DDHD1: variants seen among roughly 807,000 people sequenced by gnomAD.
The protein encoded by DDHD1 is DDHD domain containing 1, also known as phospholipase DDHD1.
A neutral mutation model predicts 96.4 loss-of-function variants in DDHD1; 49 were observed. The observed-to-expected ratio is 0.51, with a 90% CI of 0.40 to 0.64. The LOEUF (loss-of-function observed/expected upper bound fraction) is 0.64, where lower values mean the gene tolerates loss of function less well. DDHD1 is among the 30% of genes least tolerant of loss of function. DDHD1 has a pLI of 0.00. For synonymous variants in DDHD1, 442 were observed against 446.5 expected (o/e 0.99, Z 0.13); for missense variants, 1,106 against 1,161.2 (o/e 0.95, Z 0.69).
chr14:53,103,863 AAG>A lies in DDHD1; in HGVS notation c.839-9_839-8del. The stretch of plus-strand genomic sequence containing the variant: ...ACTGGTATTTTATCAGCCTCTGAAA[AAG>A]AGAAATCACAGAATTATACACATTT... On this transcript the variant is annotated splice_region_variant and splice_polypyrimidine_tract_variant and intron_variant, in intron 1 of 12. Coordinates refer to ENST00000673822, the MANE Select transcript of DDHD1 (RefSeq NM_001160148.2). 2 of 1,587,818 alleles carry A rather than the reference AAG, an allele frequency of 1.3e-6. No individual in the cohort carries two copies. The highest frequency in any genetic ancestry group is 1.7e-6 in the Non-Finnish European group (2 of 1,171,148).
intron 1 of DDHD1, among the ~76,000 whole-genome samples, chr14:53,148,354 C>T (rs1157608914): frequency 6.6e-6 from 1 of 151,864 alleles, no homozygotes; most frequent in East Asian, 1.9e-4. Flanking sequence ...CTCTTGTCGC[C>T]CAGGCTGGAG....
At chr14:53,070,237 T>C (rs781756777) in intron 6 of DDHD1, among the ~76,000 whole-genome samples, 3 of 152,208 alleles carry the variant, frequency 2.0e-5, no homozygotes, top group African/African-American at 4.8e-5. Context: ...ATCGTAAACA[T>C]ACCAAAAATT....
Position 53,152,981 on chromosome 14 carries a change from A to G in DDHD1, c.118T>C (p.Cys40Arg), listed in dbSNP as rs767327168. The G allele has an allele frequency of 5.8e-6, 9 of 1,563,580 alleles. No individual in the cohort carries two copies. Among genetic ancestry groups the G allele is most frequent in the Non-Finnish European group, 6.9e-6 (8 of 1,157,762 alleles). ...TCCCCGCCGGGCAGGTGCTCGAAGC[A>G]GCAGACGCCGCCGCCGAACGCTGGC... ...ARPAFGGGVC[C>R]FEHLPGGDPD... The change falls in exon 1 of 13, where the codon TGC becomes CGC. Residue 40 changes from cysteine (C) to arginine (R), a missense_variant. Coordinates refer to ENST00000673822, the MANE Select transcript of DDHD1 (RefSeq NM_001160148.2).
rs1262504565 is a variant in DDHD1, at chr14:53,153,279, C to G, written c.-181G>C. 2.2e-6 allele frequency: 1 copy of G among 451,370 alleles called. No homozygotes were observed. Among genetic ancestry groups the G allele is most frequent in the Non-Finnish European group, 3.7e-6 (1 of 272,172 alleles). The allele number at this position is 451,370 out of a possible 1,614,324, so 28.0% of individuals were successfully genotyped here. On this transcript the variant is annotated 5_prime_UTR_variant, in exon 1 of 13. Transcript: ENST00000673822. ...ACGAGACCCGCAGCCGCCGCAGCTGCGTTCTGCCGCCGGCCCCATTGTCAC... is the reference window on the plus strand; with the variant it reads ...ACGAGACCCGCAGCCGCCGCAGCTGGGTTCTGCCGCCGGCCCCATTGTCAC...
intron 1 of DDHD1, among the ~76,000 whole-genome samples, chr14:53,108,489 A>G (rs1887867000): frequency 6.6e-6 from 1 of 152,178 alleles, no homozygotes; most frequent in Non-Finnish European, 1.5e-5. Flanking sequence ...GAGCTCTGGG[A>G]GCAAGGACCC....
At chr14:53,120,580 G>A (rs1227225045) in intron 1 of DDHD1, among the ~76,000 whole-genome samples, 1 of 152,056 alleles carries the variant, frequency 6.6e-6, no homozygotes, top group Non-Finnish European at 1.5e-5. Flanking sequence ...AAACAGCATG[G>A]TACTAGTACC....
At chr14:53,096,938 C>T (rs1886929337) in intron 2 of DDHD1, among the ~76,000 whole-genome samples, 1 of 151,920 alleles carries the variant, frequency 6.6e-6, no homozygotes, top group Admixed American at 6.6e-5. Context: ...TAGAGTAAAG[C>T]TAGGCACAGA....
intron 2 of DDHD1, among the ~76,000 whole-genome samples, chr14:53,099,580 A>G (rs1206877158): frequency 1.3e-5 from 2 of 152,204 alleles, no homozygotes; most frequent in South Asian, 2.1e-4. Context: ...GCACTTACCC[A>G]TTCAGTTCAA....
At chr14:53,067,636 T>C (rs1465734226) in intron 6 of DDHD1, among the ~76,000 whole-genome samples, 2 of 152,158 alleles carry the variant, frequency 1.3e-5, no homozygotes, top group East Asian at 3.9e-4. Flanking sequence ...TTTGTATTTT[T>C]AGTAGAGACA....
Position 53,040,731 on chromosome 14 carries a change from C to T in DDHD1, c.*6037G>A, listed in dbSNP as rs1435695398. ...TGAAGATTCTGAGAAAACTAACCTG[C>T]TTTGGCTATTGAAAATAAGAGGTAA... On this transcript the variant is annotated 3_prime_UTR_variant, in exon 13 of 13. Transcript: ENST00000673822. 1 of 152,086 alleles carries T rather than the reference C, an allele frequency of 6.6e-6. No individual in the cohort carries two copies. The highest frequency in any genetic ancestry group is 1.5e-5 in the Non-Finnish European group (1 of 68,038). 9.4% of individuals were successfully genotyped at this position (152,086 alleles called of 1,614,324 possible).
chr14:53,070,858 C>A (rs1191794916), intron 6 of DDHD1, among the ~76,000 whole-genome samples: 1 of 152,006 alleles, frequency 6.6e-6, no homozygotes, highest in Non-Finnish European at 1.5e-5. Flanking sequence ...CTTAGTTTTT[C>A]AAAGCTTAGT....
intron 11 of DDHD1, 84 bp downstream of exon 11, chr14:53,054,354 A>C: frequency 8.4e-7 from 1 of 1,194,330 alleles, no homozygotes; most frequent in Non-Finnish European, 1.2e-6. Flanking sequence ...TTGACTAGCT[A>C]GTATTAATAT....
chr14:53,056,451 C>T (rs1464428776), intron 9 of DDHD1, among the ~76,000 whole-genome samples: 1 of 152,160 alleles, frequency 6.6e-6, no homozygotes, highest in Non-Finnish European at 1.5e-5. Flanking sequence ...TTTTAATTTA[C>T]ATTTTTAGAA....
At chr14:53,061,851 T>C (rs374849141) in intron 7 of DDHD1, among the ~76,000 whole-genome samples, 28 of 151,954 alleles carry the variant, frequency 1.8e-4, no homozygotes, top group African/African-American at 6.3e-4. Flanking sequence ...CTGGCCAACA[T>C]GGTGAAATCT....
At chr14:53,075,530 G>A (rs1884880880) in intron 4 of DDHD1, among the ~76,000 whole-genome samples, 1 of 152,190 alleles carries the variant, frequency 6.6e-6, no homozygotes, top group South Asian at 2.1e-4. Flanking sequence ...GAAAGAAGCT[G>A]TCTCCATTAA....
chr14:53,081,128 G>C (rs1246372285), intron 4 of DDHD1, among the ~76,000 whole-genome samples: 1 of 152,134 alleles, frequency 6.6e-6, no homozygotes, highest in Non-Finnish European at 1.5e-5. Context: ...CCAAAATAAA[G>C]ATGTGCTTCC....
intron 1 of DDHD1, among the ~76,000 whole-genome samples, chr14:53,139,668 A>G (rs1890499818): frequency 1.3e-5 from 2 of 152,158 alleles, no homozygotes; most frequent in African/African-American, 4.8e-5. Context: ...CCTCAGCAAC[A>G]GAGTGAGACC....
chr14:53,152,471 G>C lies in DDHD1; in HGVS notation c.628C>G (p.Arg210Gly). ...TTGARPQGGD[R>G]DGDHVCSPTG... Reference sequence around the variant, plus strand: ...GGGGAGCACACATGGTCGCCGTCCCGGTCCCCGCCCTGGGGCCGGGCACCC... The same window carrying C: ...GGGGAGCACACATGGTCGCCGTCCCCGTCCCCGCCCTGGGGCCGGGCACCC... The change falls in exon 1 of 13, where the codon CGG (arginine) becomes GGG (glycine). Residue 210 changes from arginine (R) to glycine (G), a missense_variant. This residue lies in a region of DDHD1 where 456 missense variants were observed against 402.4 expected (regional missense o/e 1.13). Coordinates refer to ENST00000673822, the MANE Select transcript of DDHD1 (RefSeq NM_001160148.2). The C allele has an allele frequency of 1.2e-6, 2 of 1,612,836 alleles. No individual in the cohort carries two copies. Among genetic ancestry groups the C allele is most frequent in the Non-Finnish European group, 1.7e-6 (2 of 1,179,644 alleles).
Position 53,072,720 on chromosome 14 carries a change from A to C in DDHD1, c.1397-17T>G, listed in dbSNP as rs771790826. The C allele has an allele frequency of 3.2e-6, 5 of 1,558,730 alleles. No homozygotes were observed. The highest frequency in any genetic ancestry group is 4.4e-6 in the Non-Finnish European group (5 of 1,141,098). ...CAACAGTGTCTACAAAAACAAACAA[A>C]AAAAGCAAGTTAACTTATAGAAAGT... On this transcript the variant is annotated splice_polypyrimidine_tract_variant and intron_variant, in intron 5 of 12. Transcript: ENST00000673822.
Sources: allele counts gnomAD v4.1 joint callset (sites outside exome capture counted in the v4.1 genomes callset), GRCh38; gene constraint gnomAD v4.1.1; regional missense constraint gnomAD v4.1.1; transcripts MANE v1.5; gene names NCBI Gene and HGNC (gene_info 2026-07-23, HGNC 2026-07-21).